The following GPS1 variants were observed in gnomAD, a reference collection of about 807,000 sequenced individuals.
GPS1 encodes COP9 signalosome complex subunit 1.
A neutral mutation model predicts 60.0 loss-of-function variants in GPS1; 11 were observed. The observed-to-expected ratio is 0.18, with a 90% confidence interval of 0.12 to 0.30. The LOEUF is 0.30. Ranked by LOEUF, GPS1 falls within the 10% of genes least tolerant of loss-of-function variation. The pLI is 1.00. For missense variants in GPS1, 543 were observed against 669.2 expected (o/e 0.81, Z 2.08); for synonymous variants, 343 against 269.8 (o/e 1.27, Z -2.66).
chr17:82,056,166 A>G (rs1301603165), intron 8 of GPS1, 71 bp downstream of exon 8: 3 of 1,424,216 alleles, frequency 2.1e-6, no homozygotes, highest in Admixed American at 1.7e-5. Flanking sequence ...TCGGCCTTGC[A>G]TGTCCTGGCC....
upstream of GPS1, chr17:82,051,849 G>GGCCCC (rs1452933293): frequency 1.3e-4 from 154 of 1,147,648 alleles, 1 homozygote; most frequent in African/African-American, 2.1e-3. The surrounding 1 kb of genome is among the most constrained non-coding windows in gnomAD (Gnocchi z 4.1). Context: ...AGAACGCAGC[G>GGCCCC]GCCCCGCCCC....
intron 7 of GPS1, 35 bp downstream of exon 7, chr17:82,055,860 A>G (rs2032544108): frequency 6.6e-7 from 1 of 1,518,318 alleles, no homozygotes; most frequent in East Asian, 2.4e-5. Flanking sequence ...GAGGCAGAGC[A>G]TGGGCTCATG....
chr17:82,053,226 T>C (rs746707841), intron 1 of GPS1, 48 bp from the exon 2 acceptor site: 11 of 1,463,142 alleles, frequency 7.5e-6, no homozygotes, highest in Middle Eastern at 3.6e-4. Context: ...CTCGCCCTCC[T>C]GGGGCAGTCC....
chr17:82,056,354 A>G lies in GPS1; in HGVS notation c.998A>G (p.Lys333Arg), dbSNP rs2032756714. 6.2e-7 allele frequency: 1 copy of G among 1,613,360 alleles called. No homozygotes were observed. The highest frequency in any genetic ancestry group is 8.5e-7 in the Non-Finnish European group (1 of 1,179,930). ...RDIIFKFYES[K>R]YASCLKMLDE... ...ATCATCTTCAAATTCTACGAGTCCA[A>G]GTACGCCTCATGTCTCAAGATGCTG... is the stretch of plus-strand genomic sequence containing the variant. Residue 333 changes from lysine (K) to arginine (R), a missense_variant, in exon 9 of 13, where the codon AAG becomes AGG. By Grantham distance (26) the Lys-to-Arg change is conservative. Around this residue, in one of 3 missense-constraint regions of GPS1, gnomAD observed 291 missense variants for 353.7 expected, o/e 0.82. Transcript: ENST00000578552.
intron 5 of GPS1, 41 bp from the exon 6 acceptor site, chr17:82,055,121 A>T: frequency 6.4e-7 from 1 of 1,563,508 alleles, no homozygotes; most frequent in Non-Finnish European, 8.7e-7. Context: ...GCTCTAGGAA[A>T]TGTGGAGCAT....
chr17:82,054,739 T>G lies in GPS1; in HGVS notation c.538T>G (p.Cys180Gly). 4 of 1,612,064 alleles carry G rather than the reference T, an allele frequency of 2.5e-6. No individual in the cohort carries two copies. Among genetic ancestry groups the G allele is most frequent in the Non-Finnish European group, 3.4e-6 (4 of 1,179,712 alleles). Reference sequence around the variant, plus strand: ...TGGGGACCTCAGCAACGCCCTCAAGTGCTATTCCCGGGCCCGGGACTACTG... The same window carrying G: ...TGGGGACCTCAGCAACGCCCTCAAGGGCTATTCCCGGGCCCGGGACTACTG... ...DCGDLSNALK[C>G]YSRARDYCTS... The change falls in exon 4 of 13, where the codon TGC becomes GGC. Residue 180 changes from cysteine (C) to glycine (G), a missense_variant. Cys to Gly is a radical substitution (Grantham distance 159, BLOSUM62 -3). Transcript: ENST00000578552.
chr17:82,051,173 C>T, upstream of GPS1: 1 of 1,302,934 alleles, frequency 7.7e-7, no homozygotes, highest in Non-Finnish European at 9.8e-7. This position sits in a 1 kb window ranked among gnomAD's most constrained non-coding sequence, Gnocchi z 4.1. Flanking sequence ...GTCGGGGCCT[C>T]CCCGGGCCTC....
At chr17:82,055,549 C>A in intron 6 of GPS1, 191 bp from the exon 7 acceptor site, 1 of 610,630 alleles carries the variant, frequency 1.6e-6, no homozygotes, top group Non-Finnish European at 2.9e-6. Flanking sequence ...GCCTCCTCAG[C>A]ATTGGTGGGG....
At chr17:82,051,418 C>T, upstream of GPS1, 1 of 1,391,016 alleles carries the variant, frequency 7.2e-7, no homozygotes, top group Non-Finnish European at 9.3e-7. The surrounding 1 kb of genome is among the most constrained non-coding windows in gnomAD (Gnocchi z 4.1). Flanking sequence ...GCGGAGCCTC[C>T]GGGGGCCTGG....
intron 3 of GPS1, 29 bp downstream of exon 3, chr17:82,054,078 C>G: frequency 1.3e-6 from 2 of 1,583,864 alleles, no homozygotes; most frequent in Non-Finnish European, 1.7e-6. Flanking sequence ...CGAGAGGAAG[C>G]AGAGGCCACC....
intron 2 of GPS1, chr17:82,053,610 C>A: frequency 1.9e-6 from 1 of 540,112 alleles, no homozygotes; most frequent in Non-Finnish European, 3.2e-6. Flanking sequence ...TAGCGACCAG[C>A]AGTCACTAGT....
chr17:82,055,253 C>T (rs2032282092), intron 6 of GPS1, 31 bp downstream of exon 6: 6 of 1,548,778 alleles, frequency 3.9e-6, no homozygotes, highest in Non-Finnish European at 5.2e-6. Context: ...CAGCTGACCC[C>T]ACGTTCCCCT....
At chr17:82,056,262 G>A (rs2032731978) in intron 8 of GPS1, 24 bp from the exon 9 acceptor site, 2 of 1,531,474 alleles carry the variant, frequency 1.3e-6, no homozygotes, top group Non-Finnish European at 1.8e-6. Context: ...AGAGGACAGA[G>A]TTCTGAGGGG....
chr17:82,053,234 T>G, intron 1 of GPS1, 40 bp from the exon 2 acceptor site: 1 of 1,475,154 alleles, frequency 6.8e-7, no homozygotes, highest in Non-Finnish European at 9.0e-7. Context: ...CCTGGGGCAG[T>G]CCCCAGGACG....
chr17:82,052,291 A>G, intron 1 of GPS1: 1 of 1,611,432 alleles, frequency 6.2e-7, no homozygotes, highest in Non-Finnish European at 8.5e-7. Context: ...CGGGGGGTGC[A>G]GAAAGTCAGG....
chr17:82,055,416 C>T, intron 6 of GPS1, 194 bp downstream of exon 6: 1 of 651,388 alleles, frequency 1.5e-6, no homozygotes, highest in Non-Finnish European at 2.7e-6. Context: ...GACGTGTGGT[C>T]AGGGTCTGGC....
upstream of GPS1, chr17:82,051,547 G>A (rs747023686): frequency 1.3e-5 from 18 of 1,399,202 alleles, no homozygotes; most frequent in African/African-American, 6.1e-5. The surrounding 1 kb of genome is among the most constrained non-coding windows in gnomAD (Gnocchi z 4.1). Flanking sequence ...AGCCGCAGGC[G>A]CGGCCCGTGG....
intron 7 of GPS1, 29 bp from the exon 8 acceptor site, chr17:82,055,972 G>A (rs1417265750): frequency 6.4e-6 from 10 of 1,552,984 alleles, no homozygotes; most frequent in Admixed American, 1.7e-5. Context: ...GCCCTTCACT[G>A]CCTGTGACGC....
intron 6 of GPS1, 109 bp from the exon 7 acceptor site, chr17:82,055,631 G>C (rs1228971678): frequency 1.6e-5 from 12 of 728,184 alleles, no homozygotes; most frequent in East Asian, 2.7e-5. Context: ...AGAGGCCAGC[G>C]AGCCGGCTGG....
Sources: gnomAD v4.1 joint callset for allele counts on GRCh38, gnomAD v4.1.1 for gene constraint, gnomAD v4.1.1 regional missense constraint, Gnocchi (gnomAD v3.1) non-coding constraint, MANE v1.5 for transcripts, NCBI Gene and HGNC (gene_info 2026-07-23, HGNC 2026-07-21) for gene names.